The following SIK3 variants were observed in gnomAD, a reference collection of about 807,000 sequenced individuals.
SIK3 encodes serine/threonine-protein kinase SIK3.
SIK3 carries 28 observed loss-of-function variants against 144.2 expected under a neutral mutation model. That is an observed-to-expected ratio of 0.19 (90% CI 0.14 to 0.27). SIK3 has a LOEUF of 0.27. Among genes scored for constraint, SIK3 ranks in the 10% least tolerant of loss-of-function variants. The pLI is 1.00. For missense variants in SIK3, 1,319 were observed against 1,776.0 expected (o/e 0.74, Z 4.62); for synonymous variants, 686 against 676.3 (o/e 1.01, Z -0.22).
intron 1 of SIK3, among the ~76,000 whole-genome samples, chr11:116,991,918 C>G (rs948809108): frequency 6.6e-6 from 1 of 152,120 alleles, no homozygotes; most frequent in African/African-American, 2.4e-5. Flanking sequence ...ATTTCTAACT[C>G]ATAGCATACA....
intron 6 of SIK3, among the ~76,000 whole-genome samples, chr11:116,882,550 T>C (rs932783951): frequency 1.3e-5 from 2 of 152,120 alleles, no homozygotes; most frequent in Admixed American, 1.3e-4. Context: ...TGGTGAGCAA[T>C]GGCATAGAAG....
intron 1 of SIK3, among the ~76,000 whole-genome samples, chr11:117,079,687 A>G (rs945029895): frequency 6.6e-6 from 1 of 152,172 alleles, no homozygotes; most frequent in Non-Finnish European, 1.5e-5. Flanking sequence ...GTAGTTGAAA[A>G]AAATGGGTAA....
chr11:116,924,873 C>T (rs1289732641), intron 4 of SIK3, among the ~76,000 whole-genome samples: 1 of 152,182 alleles, frequency 6.6e-6, no homozygotes. Flanking sequence ...AAGAGCCTTA[C>T]AGTGACATCT....
chr11:117,018,801 T>A (rs1951643858), intron 1 of SIK3, among the ~76,000 whole-genome samples: 1 of 151,806 alleles, frequency 6.6e-6, no homozygotes, highest in Non-Finnish European at 1.5e-5. Flanking sequence ...AACCTCCACC[T>A]CCTGTGTTCA....
intron 4 of SIK3, among the ~76,000 whole-genome samples, chr11:116,909,880 G>C (rs957950190): frequency 6.6e-6 from 1 of 152,174 alleles, no homozygotes; most frequent in Non-Finnish European, 1.5e-5. Flanking sequence ...TGGTAAGACA[G>C]AGATCTCAAC....
At chr11:117,003,990 A>C (rs1463283058) in intron 1 of SIK3, among the ~76,000 whole-genome samples, 5 of 152,160 alleles carry the variant, frequency 3.3e-5, no homozygotes, top group African/African-American at 1.2e-4. Context: ...AATTATGGAG[A>C]ATATGGGGAA....
At chr11:117,051,883 C>A (rs1056375636) in intron 1 of SIK3, among the ~76,000 whole-genome samples, 18 of 151,930 alleles carry the variant, frequency 1.2e-4, no homozygotes, top group African/African-American at 3.4e-4. Flanking sequence ...GTGGCTCATG[C>A]CTGTAATCCC....
intron 14 of SIK3, 78 bp downstream of exon 14, chr11:116,870,253 T>G: frequency 6.3e-7 from 1 of 1,594,636 alleles, no homozygotes; most frequent in Non-Finnish European, 8.5e-7. Flanking sequence ...ACCACCTCCT[T>G]GGGCAGAGGT....
chr11:117,090,979 A>C (rs1214270991), intron 1 of SIK3, among the ~76,000 whole-genome samples: 5 of 152,196 alleles, frequency 3.3e-5, no homozygotes, highest in African/African-American at 1.2e-4. Flanking sequence ...CCCAGTAAAA[A>C]AGCAAGTGCT....
chr11:116,952,881 T>C (rs2135381045), intron 3 of SIK3, among the ~76,000 whole-genome samples: 1 of 152,352 alleles, frequency 6.6e-6, no homozygotes, highest in East Asian at 1.9e-4. Context: ...TCAAATCTTG[T>C]AATGCTTTCA....
Position 117,050,827 on chromosome 11 carries a change from G to C in SIK3, c.273+47316C>G, listed in dbSNP as rs796285331. ...AACATAAAATGCAATTCACATTATA[G>C]GACTCACAACTAGGCCAGGTAAGCT... On this transcript the variant is annotated intron_variant, in intron 1 of 24. Transcript: ENST00000445177. 1.5e-4 allele frequency among the ~76,000 whole-genome samples: 23 copies of C among 152,086 alleles called. 1 individual carries two copies. Among genetic ancestry groups the C allele is most frequent in the African/African-American group, 5.5e-4 (23 of 41,474 alleles).
At position 116,844,618 on chromosome 11, in the gene SIK3, A is replaced by C. The variant is rs1173660736; in HGVS notation, c.*1025T>G. 11 of 40,730 alleles carry C rather than the reference A, an allele frequency of 2.7e-4. 1 individual carries two copies. Among genetic ancestry groups the C allele is most frequent in the African/African-American group, 2.1e-3 (10 of 4,774 alleles). The allele number at this position is 40,730 out of a possible 1,614,324, so 2.5% of individuals were successfully genotyped here. On this transcript the variant is annotated 3_prime_UTR_variant, in exon 25 of 25. Transcript: ENST00000445177. ...TATTTTATATATATATTATATATATAATATATATATAATATATTATATTAT... is the reference window on the plus strand; with the variant it reads ...TATTTTATATATATATTATATATATCATATATATATAATATATTATATTAT...
intron 1 of SIK3, among the ~76,000 whole-genome samples, chr11:117,086,404 ATGG>A (rs1346921195): frequency 6.6e-6 from 1 of 152,236 alleles, no homozygotes; most frequent in Non-Finnish European, 1.5e-5. Context: ...TTAAAAATCA[ATGG>A]TAGGCTGGGT....
chr11:116,950,000 G>A (rs1428779075), intron 3 of SIK3: 9 of 416,998 alleles, frequency 2.2e-5, no homozygotes, highest in Non-Finnish European at 4.3e-5. Flanking sequence ...CTGAGAGTTT[G>A]GTGGATGGAG....
At chr11:116,972,086 CAAAA>C (rs35775477) in intron 1 of SIK3, among the ~76,000 whole-genome samples, 3 of 111,970 alleles carry the variant, frequency 2.7e-5, no homozygotes, top group Non-Finnish European at 2.0e-5. Flanking sequence ...GACTCGGTCT[CAAAA>C]AAAAAAAAAA....
chr11:116,850,891 C>A (rs1203123748), intron 21 of SIK3, among the ~76,000 whole-genome samples: 4 of 152,158 alleles, frequency 2.6e-5, no homozygotes, highest in Non-Finnish European at 5.9e-5. Context: ...CACCTGTAGT[C>A]CCAGCTACTC....
At chr11:116,984,812 G>A (rs1950271435) in intron 1 of SIK3, among the ~76,000 whole-genome samples, 1 of 152,088 alleles carries the variant, frequency 6.6e-6, no homozygotes. Flanking sequence ...TCTCATAACT[G>A]AAGAAATTAA....
intron 1 of SIK3, among the ~76,000 whole-genome samples, chr11:116,993,524 T>C (rs1950561062): frequency 6.6e-6 from 1 of 152,222 alleles, no homozygotes; most frequent in Admixed American, 6.5e-5. Context: ...CTTCTAAAAA[T>C]GATTTTTTTT....
intron 1 of SIK3, among the ~76,000 whole-genome samples, chr11:117,038,093 G>A (rs762306348): frequency 7.9e-5 from 12 of 152,124 alleles, no homozygotes; most frequent in African/African-American, 1.4e-4. Flanking sequence ...CACTAGATAA[G>A]TGAATTTGCA....
Sources: allele counts gnomAD v4.1 joint callset (sites outside exome capture counted in the v4.1 genomes callset), GRCh38; gene constraint gnomAD v4.1.1; transcripts MANE v1.5; gene names NCBI Gene and HGNC (gene_info 2026-07-23, HGNC 2026-07-21).